The following ANKRD29 variants were observed in gnomAD, a reference collection of about 807,000 sequenced individuals.
ANKRD29 encodes ankyrin repeat domain 29, also known as ankyrin repeat domain-containing protein 29.
Under a neutral mutation model 38.0 loss-of-function variants are expected in ANKRD29, and 32 were observed. The ratio of observed to expected loss-of-function variants is 0.84; its 90% CI spans 0.64 to 1.13. The LOEUF (loss-of-function observed/expected upper bound fraction) is 1.13. Among genes scored for constraint, ANKRD29 ranks in the 50% most tolerant of loss-of-function variants. ANKRD29 has a pLI of 0.00. For missense variants in ANKRD29, 357 were observed against 377.9 expected, an observed-to-expected ratio of 0.94 and a Z score of 0.46; for synonymous variants, 135 against 152.4, an observed-to-expected ratio of 0.89 and a Z score of 0.84.
intron 9 of ANKRD29, 75 bp downstream of exon 9, chr18:23,612,017 G>T: frequency 1.5e-6 from 2 of 1,318,492 alleles, no homozygotes; most frequent in Middle Eastern, 2.7e-4. Flanking sequence ...TGGAGCCAGG[G>T]AGATGTTTAT....
At chr18:23,618,213 A>G (rs1424599701) in intron 7 of ANKRD29, among the ~76,000 whole-genome samples, 1 of 152,174 alleles carries the variant, frequency 6.6e-6, no homozygotes, top group East Asian at 1.9e-4. Context: ...AATTTAGATC[A>G]TTGTTGAGCT....
intron 4 of ANKRD29, 94 bp from the exon 5 acceptor site, chr18:23,634,243 G>C: frequency 1.5e-6 from 1 of 657,482 alleles, no homozygotes; most frequent in South Asian, 2.0e-5. Context: ...TAGGAAGAGA[G>C]TTTTCCCAAA....
At chr18:23,661,223 T>C (rs2060356295) in intron 1 of ANKRD29, among the ~76,000 whole-genome samples, 1 of 152,222 alleles carries the variant, frequency 6.6e-6, no homozygotes, top group African/African-American at 2.4e-5. Flanking sequence ...CATGGGTGCC[T>C]ACTTAACACT....
chr18:23,636,808 A>C (rs2060008993), intron 4 of ANKRD29, among the ~76,000 whole-genome samples: 1 of 152,190 alleles, frequency 6.6e-6, no homozygotes, highest in Non-Finnish European at 1.5e-5. Flanking sequence ...TCCTGGGCTC[A>C]AGCGATCTGC....
chr18:23,621,670 A>G (rs2059799093), intron 6 of ANKRD29, among the ~76,000 whole-genome samples: 1 of 152,070 alleles, frequency 6.6e-6, no homozygotes, highest in Non-Finnish European at 1.5e-5. Context: ...TCAATAATTC[A>G]AGCAACCAAT....
At chr18:23,648,772 G>T (rs1324558627) in intron 2 of ANKRD29, 3 of 410,032 alleles carry the variant, frequency 7.3e-6, no homozygotes, top group Non-Finnish European at 1.3e-5. Flanking sequence ...CATGGAAGTG[G>T]TTGGCTTGAA....
rs147832165 is a variant in ANKRD29, at chr18:23,641,601, T to C, written c.232-2654A>G. Reference sequence around the variant, plus strand: ...CTGAGGGCAGCTAGGTGTGGGCCTGTAGGCGCCCCTTGGCAGGAACAGCCT... The same window carrying C: ...CTGAGGGCAGCTAGGTGTGGGCCTGCAGGCGCCCCTTGGCAGGAACAGCCT... On this transcript the variant is annotated intron_variant, in intron 3 of 9. Coordinates refer to ENST00000592179, the MANE Select transcript of ANKRD29 (RefSeq NM_173505.4). 1.1e-3 allele frequency among the ~76,000 whole-genome samples: 168 copies of C among 152,348 alleles called. 2 individuals carry two copies. The East Asian group carries it at 0.03, about 27-fold the overall frequency.
At chr18:23,630,985 A>T (rs1048056305) in intron 5 of ANKRD29, among the ~76,000 whole-genome samples, 8 of 150,936 alleles carry the variant, frequency 5.3e-5, no homozygotes, top group African/African-American at 1.9e-4. Context: ...AAAAAAAAGA[A>T]AAAAAAGAAA....
At chr18:23,635,016 C>T (rs544931216) in intron 4 of ANKRD29, among the ~76,000 whole-genome samples, 2 of 152,346 alleles carry the variant, frequency 1.3e-5, no homozygotes, top group South Asian at 2.1e-4. Context: ...CTGTGTGTCT[C>T]TCACTATCCT....
At chr18:23,640,184 G>A (rs1450280904) in intron 3 of ANKRD29, among the ~76,000 whole-genome samples, 3 of 152,120 alleles carry the variant, frequency 2.0e-5, no homozygotes, top group African/African-American at 7.2e-5. Context: ...GGAGAGCTGT[G>A]GCATTGAGGA....
intron 1 of ANKRD29, among the ~76,000 whole-genome samples, chr18:23,655,934 A>T (rs1343823152): frequency 6.7e-6 from 1 of 150,164 alleles, no homozygotes; most frequent in East Asian, 2.0e-4. Flanking sequence ...TCTACTAAAA[A>T]TACAAAAAAT....
At chr18:23,630,439 TCAAAAAA>T (rs1028340803) in intron 5 of ANKRD29, among the ~76,000 whole-genome samples, 9 of 135,590 alleles carry the variant, frequency 6.6e-5, no homozygotes, top group Admixed American at 1.5e-4. Context: ...AAACAAAAAA[TCAAAAAA>T]CAAAAAACAA....
chr18:23,648,951 T>C, intron 2 of ANKRD29, 132 bp downstream of exon 2: 2 of 759,856 alleles, frequency 2.6e-6, no homozygotes, highest in East Asian at 2.7e-5. Context: ...TTGGATGTTT[T>C]AAAAAGGATA....
In ANKRD29 at chr18:23,638,899, C is replaced by T. The variant is rs750460229; in HGVS notation, c.280G>A (p.Val94Ile). Residue 94 changes from valine (V) to isoleucine (I), a missense_variant, in exon 4 of 10, where the codon GTC becomes ATC. Coordinates refer to ENST00000592179, the MANE Select transcript of ANKRD29 (RefSeq NM_173505.4). ...FFAAQQGHND[V>I]VRFLFGFGAS... ...CCAAATCCAAAGAGAAATCTCACGA[C>T]ATCATTATGGCCTTGCTGGGCGGCA... The T allele has an allele frequency of 1.4e-5, 22 of 1,613,142 alleles. No homozygotes were observed. In the East Asian group the frequency reaches 2.2e-4, roughly 16 times the overall value.
intron 6 of ANKRD29, among the ~76,000 whole-genome samples, chr18:23,624,024 A>T (rs748535836): frequency 7.2e-5 from 11 of 152,150 alleles, no homozygotes; most frequent in Non-Finnish European, 1.6e-4. Context: ...TCCTTTTTGT[A>T]GAGTTTTGGA....
chr18:23,627,214 G>A (rs2059872470), intron 6 of ANKRD29, among the ~76,000 whole-genome samples: 1 of 152,146 alleles, frequency 6.6e-6, no homozygotes, highest in East Asian at 1.9e-4. Context: ...TATGATTTGA[G>A]GGCACAATGG....
intron 1 of ANKRD29, among the ~76,000 whole-genome samples, chr18:23,650,502 G>A (rs184149849): frequency 2.6e-5 from 4 of 152,306 alleles, no homozygotes; most frequent in East Asian, 3.9e-4. Context: ...GGAAAGCATG[G>A]AAGTGGAAAA....
intron 9 of ANKRD29, among the ~76,000 whole-genome samples, chr18:23,603,464 C>A (rs1385620341): frequency 1.3e-5 from 2 of 152,232 alleles, no homozygotes; most frequent in Non-Finnish European, 2.9e-5. Flanking sequence ...AAAAACCTGT[C>A]TCCACTAAAA....
At chr18:23,630,747 C>T (rs1356223916) in intron 5 of ANKRD29, among the ~76,000 whole-genome samples, 2 of 151,500 alleles carry the variant, frequency 1.3e-5, no homozygotes, top group Admixed American at 6.6e-5. Flanking sequence ...TACAAATCCC[C>T]CAAACCTCAT....
Sources: allele counts gnomAD v4.1 joint callset (sites outside exome capture counted in the v4.1 genomes callset), GRCh38; gene constraint gnomAD v4.1.1; transcripts MANE v1.5; gene names NCBI Gene and HGNC (gene_info 2026-07-23, HGNC 2026-07-21).